The following CADPS2 variants were observed in gnomAD, a reference collection of about 807,000 sequenced individuals.
The protein encoded by CADPS2 is calcium-dependent secretion activator 2.
Under a neutral mutation model 172.5 loss-of-function variants are expected in CADPS2, and 93 were observed. That is an observed-to-expected ratio of 0.54 (90% confidence interval 0.46 to 0.64). CADPS2 has a LOEUF of 0.64. Among genes scored for constraint, CADPS2 ranks in the 30% least tolerant of loss-of-function variants. The probability of loss-of-function intolerance (pLI) is 0.00; values close to 1 mark genes in which losing one functional copy is unlikely to be tolerated. For synonymous variants in CADPS2, 546 were observed against 555.2 expected, an observed-to-expected ratio of 0.98 and a Z score of 0.23; for missense variants, 1,420 against 1,565.9, an observed-to-expected ratio of 0.91 and a Z score of 1.57.
At chr7:122,855,742 T>G (rs1815013995) in intron 1 of CADPS2, among the ~76,000 whole-genome samples, 2 of 152,184 alleles carry the variant, frequency 1.3e-5, no homozygotes, top group Admixed American at 1.3e-4. Context: ...TCTCGAGCCC[T>G]GACAACTTCT....
At chr7:122,489,571 T>C (rs1345367284) in intron 11 of CADPS2, among the ~76,000 whole-genome samples, 2 of 152,138 alleles carry the variant, frequency 1.3e-5, no homozygotes, top group Admixed American at 6.5e-5. Flanking sequence ...AAAAGTGACA[T>C]GTCTTTAAGG....
intron 15 of CADPS2, among the ~76,000 whole-genome samples, chr7:122,449,320 T>G (rs1050210386): frequency 6.6e-6 from 1 of 152,084 alleles, no homozygotes; most frequent in African/African-American, 2.4e-5. Flanking sequence ...CACTTTTTTT[T>G]GTTTGTTTTT....
chr7:122,488,891 ACT>A (rs2058063570), intron 11 of CADPS2, among the ~76,000 whole-genome samples: 1 of 152,058 alleles, frequency 6.6e-6, no homozygotes, highest in African/African-American at 2.4e-5. Flanking sequence ...CTGATGAAAC[ACT>A]CTTATCTGCT....
intron 2 of CADPS2, among the ~76,000 whole-genome samples, chr7:122,700,863 T>C (rs1200579602): frequency 6.6e-6 from 1 of 152,142 alleles, no homozygotes; most frequent in African/African-American, 2.4e-5. Flanking sequence ...AATGTTATCC[T>C]AAATGAAGCC....
rs1043342003 is a variant in CADPS2 at position 122,498,719 on chromosome 7, C to T, written c.1543-7299G>A. On this transcript the variant is annotated intron_variant, in intron 9 of 29. Coordinates refer to ENST00000449022, the MANE Select transcript of CADPS2 (RefSeq NM_017954.11). ...TCTATATGATCCTTTTCCAAATCTG[C>T]TGGTTCACTTTGCATACTGTTATTT... 1.1e-4 allele frequency among the ~76,000 whole-genome samples: 16 copies of T among 152,078 alleles called. No individual in the cohort carries two copies. In the South Asian group the frequency reaches 1.7e-3, roughly 16 times the overall value.
chr7:122,666,222 G>C (rs1372498949), intron 2 of CADPS2, among the ~76,000 whole-genome samples: 1 of 152,054 alleles, frequency 6.6e-6, no homozygotes, highest in Admixed American at 6.6e-5. Flanking sequence ...TTCTGCAAAA[G>C]TTGTATCTCA....
intron 3 of CADPS2, among the ~76,000 whole-genome samples, chr7:122,646,343 A>G (rs111257126): frequency 1.3e-5 from 2 of 152,156 alleles, no homozygotes; most frequent in Non-Finnish European, 2.9e-5. Context: ...TCAAAGAGGC[A>G]TATGTAAACA....
chr7:122,438,291 A>G lies in CADPS2; in HGVS notation c.2476+50T>C, dbSNP rs753495672. 11 of 1,606,948 alleles carry G rather than the reference A, an allele frequency of 6.8e-6. No individual in the cohort carries two copies. In the South Asian group the frequency reaches 1.2e-4, roughly 18 times the overall value. On this transcript the variant is annotated intron_variant, in intron 17 of 29. Coordinates refer to ENST00000449022, the MANE Select transcript of CADPS2 (RefSeq NM_017954.11). ...ACTTCTCATAGAAAATTCAGTTACTAGGCATTGTTGGCTCTCACTGCCACT... is the reference window on the plus strand; with the variant it reads ...ACTTCTCATAGAAAATTCAGTTACTGGGCATTGTTGGCTCTCACTGCCACT...
intron 2 of CADPS2, among the ~76,000 whole-genome samples, chr7:122,670,985 C>T (rs1305581797): frequency 6.6e-6 from 1 of 151,992 alleles, no homozygotes; most frequent in Non-Finnish European, 1.5e-5. Flanking sequence ...CCATTGTCTA[C>T]CTCACCATCC....
At position 122,754,682 on chromosome 7, in the gene CADPS2, G is replaced by A. The variant is rs559851473; in HGVS notation, c.340-17614C>T. On this transcript the variant is annotated intron_variant, in intron 1 of 29. Coordinates refer to ENST00000449022, the MANE Select transcript of CADPS2 (RefSeq NM_017954.11). Reference sequence around the variant, plus strand: ...AGTAGAAACGGGTTTCACCAAGTTGGCCAGGTTGGTCTCAAACTCCTGACT... The same window carrying A: ...AGTAGAAACGGGTTTCACCAAGTTGACCAGGTTGGTCTCAAACTCCTGACT... Among the ~76,000 whole-genome samples the A allele has an allele frequency of 4.6e-5, 7 of 152,192 alleles. No individual in the cohort carries two copies. The Middle Eastern group carries it at 0.01, about 222-fold the overall frequency.
intron 9 of CADPS2, among the ~76,000 whole-genome samples, chr7:122,505,609 A>G (rs1013494820): frequency 1.0e-3 from 155 of 152,322 alleles, no homozygotes; most frequent in African/African-American, 3.6e-3. Context: ...GCCTAGAGAT[A>G]TAACAAAGAG....
intron 5 of CADPS2, among the ~76,000 whole-genome samples, chr7:122,620,697 T>G (rs1224606064): frequency 6.6e-6 from 1 of 152,190 alleles, no homozygotes. Flanking sequence ...AATTATCTAT[T>G]TCTCATCATC....
chr7:122,886,198 C>G lies in CADPS2; in HGVS notation c.140G>C (p.Arg47Pro). The change falls in exon 1 of 30, where the codon CGC becomes CCC. Residue 47 changes from arginine to proline, a missense_variant. Transcript: ENST00000449022. ...TREGRRDAPG[R>P]AGGGGAARSV... ...TCTGGCCGCGCCGCCGCCGCCCGCG[C>G]GCCCCGGCGCGTCCCGCCGCCCTTC... 1 of 1,467,946 alleles carries G rather than the reference C, an allele frequency of 6.8e-7. No homozygotes were observed. Among genetic ancestry groups the G allele is most frequent in the Admixed American group, 3.0e-5 (1 of 33,772 alleles). 90.9% of individuals were successfully genotyped at this position (1,467,946 alleles called of 1,614,324 possible). A position where few individuals can be genotyped will look rare whatever the true frequency, so the allele number is the denominator to read the frequency against.
intron 2 of CADPS2, among the ~76,000 whole-genome samples, chr7:122,705,660 C>A (rs1180786801): frequency 2.5e-5 from 2 of 80,738 alleles, no homozygotes; most frequent in African/African-American, 1.0e-4. Context: ...TAATATATCT[C>A]ATATATAATA....
At chr7:122,740,526 A>T (rs1301400556) in intron 1 of CADPS2, among the ~76,000 whole-genome samples, 2 of 152,162 alleles carry the variant, frequency 1.3e-5, no homozygotes, top group Non-Finnish European at 2.9e-5. Flanking sequence ...TAAAAAGATC[A>T]GCTGTTGATA....
intron 14 of CADPS2, among the ~76,000 whole-genome samples, chr7:122,456,348 A>T (rs2152071553): frequency 6.6e-6 from 1 of 152,160 alleles, no homozygotes; most frequent in Non-Finnish European, 1.5e-5. Context: ...ACGATAATTA[A>T]ATATTAAAGT....
intron 17 of CADPS2, among the ~76,000 whole-genome samples, chr7:122,419,179 C>A (rs1313605969): frequency 6.6e-6 from 1 of 152,096 alleles, no homozygotes; most frequent in African/African-American, 2.4e-5. Flanking sequence ...GAGAATGCAG[C>A]AGAATAATTA....
At chr7:122,527,645 TG>T (rs1563602220) in intron 8 of CADPS2, among the ~76,000 whole-genome samples, 99 of 149,448 alleles carry the variant, frequency 6.6e-4, no homozygotes, top group African/African-American at 2.4e-3. Flanking sequence ...TGTGTGTGTG[TG>T]TGTGTGTTTC....
At chr7:122,323,708 C>A (rs1043616702) in intron 29 of CADPS2, among the ~76,000 whole-genome samples, 5 of 151,496 alleles carry the variant, frequency 3.3e-5, no homozygotes, top group African/African-American at 1.2e-4. Flanking sequence ...TCAGCTAACA[C>A]CAGGAGGCTG....
Sources: allele counts gnomAD v4.1 joint callset (sites outside exome capture counted in the v4.1 genomes callset), GRCh38; gene constraint gnomAD v4.1.1; transcripts MANE v1.5; gene names NCBI Gene and HGNC (gene_info 2026-07-23, HGNC 2026-07-21).